CPLANE1: variants seen among roughly 807,000 people sequenced by gnomAD.
CPLANE1 encodes the protein ciliogenesis and planar polarity effector 1.
Under a neutral mutation model 362.5 loss-of-function variants are expected in CPLANE1, and 263 were observed. The observed-to-expected ratio is 0.73, with a 90% CI of 0.66 to 0.80. The LOEUF (loss-of-function observed/expected upper bound fraction) is 0.80, where lower values mean the gene tolerates loss of function less well. Ranked by LOEUF, CPLANE1 falls within the 30% of genes least tolerant of loss-of-function variation. The probability of loss-of-function intolerance (pLI) is 0.00; values close to 1 mark genes in which losing one functional copy is unlikely to be tolerated. For missense variants in CPLANE1, 3,461 were observed against 3,793.4 expected, an observed-to-expected ratio of 0.91 and a Z score of 2.30; for synonymous variants, 1,212 against 1,302.6, an observed-to-expected ratio of 0.93 and a Z score of 1.50.
chr5:37,111,007 C>T (rs1367621680), intron 51 of CPLANE1, among the ~76,000 whole-genome samples: 6 of 151,254 alleles, frequency 4.0e-5, no homozygotes, highest in African/African-American at 1.5e-4. Flanking sequence ...TGGGGTTTCA[C>T]CGTGTTAGCC....
At chr5:37,243,837 ATATATAT>A (rs1397691242) in intron 5 of CPLANE1, among the ~76,000 whole-genome samples, 4 of 144,810 alleles carry the variant, frequency 2.8e-5, no homozygotes, top group East Asian at 1.9e-4. Context: ...ATATACGTGT[ATATATAT>A]TATATATTAT....
chr5:37,148,461 T>C (rs904080548), intron 42 of CPLANE1, among the ~76,000 whole-genome samples, 193 bp from the exon 43 acceptor site: 1 of 152,246 alleles, frequency 6.6e-6, no homozygotes, highest in Non-Finnish European at 1.5e-5. Flanking sequence ...TTAACTGAGT[T>C]ATAAACTTTT....
chr5:37,210,907 T>C lies in CPLANE1; in HGVS notation c.2920+2652A>G, dbSNP rs150839982. 1.8e-4 allele frequency: 137 copies of C among 779,518 alleles called. No homozygotes were observed. In the East Asian group the frequency reaches 2.5e-3, roughly 14 times the overall value. 48.3% of individuals were successfully genotyped at this position (779,518 alleles called of 1,614,324 possible). On this transcript the variant is annotated intron_variant, in intron 16 of 52. Coordinates refer to ENST00000651892, the MANE Select transcript of CPLANE1 (RefSeq NM_001384732.1). ...CTGCACAAACAACTGCAAGATGAAATTGAGCATACTACACAGTTGAAGGCC... is the reference window on the plus strand; with the variant it reads ...CTGCACAAACAACTGCAAGATGAAACTGAGCATACTACACAGTTGAAGGCC...
intron 44 of CPLANE1, chr5:37,141,646 A>G: frequency 1.0e-6 from 1 of 981,132 alleles, no homozygotes; most frequent in African/African-American, 1.7e-5. Context: ...ACTCAGTAAA[A>G]TCATTTTAAT....
chr5:37,154,950 C>T (rs1012890066), intron 41 of CPLANE1, among the ~76,000 whole-genome samples: 1 of 152,212 alleles, frequency 6.6e-6, no homozygotes. Context: ...TTCAGTTTCA[C>T]AAGCCAGAGA....
At chr5:37,094,723 TAAACTC>T in the CPLANE1 span, among the ~76,000 whole-genome samples, 3 of 151,708 alleles carry the variant, frequency 2.0e-5, no homozygotes, top group Non-Finnish European at 2.9e-5. Flanking sequence ...AAAATCCAAA[TAAACTC>T]AAAAGAAATG....
chr5:37,207,947 T>C (rs1206890758), intron 16 of CPLANE1, among the ~76,000 whole-genome samples: 1 of 151,930 alleles, frequency 6.6e-6, no homozygotes, highest in Non-Finnish European at 1.5e-5. Flanking sequence ...TGTTGTTGTT[T>C]TTGTTTTGTT....
At chr5:37,144,398 A>T (rs957584338) in intron 43 of CPLANE1, among the ~76,000 whole-genome samples, 14 of 108,266 alleles carry the variant, frequency 1.3e-4, no homozygotes, top group African/African-American at 4.3e-4. Context: ...GACTTTGTCT[A>T]AAAAAAAAAA....
Position 37,189,372 on chromosome 5 carries a change from TC to T in CPLANE1, c.3812-1531del, listed in dbSNP as rs1192919376. On this transcript the variant is annotated intron_variant, in intron 21 of 52. Transcript: ENST00000651892. ...CATGGCCCCAGGGGGACTATCAGGGTCTCCAGTGAGCATTTTCACACTACAG... is the reference window on the plus strand; with the variant it reads ...CATGGCCCCAGGGGGACTATCAGGGTTCCAGTGAGCATTTTCACACTACAG... 3.3e-5 allele frequency among the ~76,000 whole-genome samples: 5 copies of T among 152,064 alleles called. No homozygotes were observed. The East Asian group carries it at 9.6e-4, about 29-fold the overall frequency.
At chr5:37,114,853 T>G in intron 51 of CPLANE1, 107 bp downstream of exon 51, 1 of 647,218 alleles carries the variant, frequency 1.5e-6, no homozygotes, top group Non-Finnish European at 2.6e-6. Context: ...GAGCCGACAT[T>G]GCACCACTGC....
chr5:37,163,371 G>T (rs895324073), intron 37 of CPLANE1, among the ~76,000 whole-genome samples: 1 of 152,132 alleles, frequency 6.6e-6, no homozygotes, highest in Non-Finnish European at 1.5e-5. Flanking sequence ...GAGAACATAG[G>T]AGGAAAAAAC....
Position 37,153,866 on chromosome 5 carries a change from G to A in CPLANE1, c.8247C>T (p.His2749=), listed in dbSNP as rs1185442770. The A allele has an allele frequency of 3.1e-6, 5 of 1,614,076 alleles. No homozygotes were observed. In the South Asian group the frequency reaches 3.3e-5, roughly 11 times the overall value. ...AACPAPSSAA[H]QLEHLSAKLQ... Reference sequence around the variant, plus strand: ...GCTTAGCACTGAGATGCTCTAGTTGGTGAGCTGCAGAGCTTGGTGCAGGGC... The same window carrying A: ...GCTTAGCACTGAGATGCTCTAGTTGATGAGCTGCAGAGCTTGGTGCAGGGC... The change falls in exon 42 of 53, where the codon CAC becomes CAT. Residue 2749 remains histidine, a synonymous_variant. Coordinates refer to ENST00000651892, the MANE Select transcript of CPLANE1 (RefSeq NM_001384732.1).
At position 37,227,637 on chromosome 5, in the gene CPLANE1, G is replaced by A; in HGVS notation, c.1302C>T (p.His434=). The change falls in exon 10 of 53, where the codon CAC becomes CAT. Residue 434 remains histidine (H), a synonymous_variant. Coordinates refer to ENST00000651892, the MANE Select transcript of CPLANE1 (RefSeq NM_001384732.1). ...TTGAATCAAGTAGAAGTGATCTCAT[G>A]TGTACTGATGGAGATAGGCTATCAA... The part of the protein sequence containing the change: ...RFLDSLSPSV[H]MRSLLLDSTQ... The A allele has an allele frequency of 6.4e-7, 1 of 1,551,172 alleles. No individual in the cohort carries two copies. Among genetic ancestry groups the A allele is most frequent in the Non-Finnish European group, 8.7e-7 (1 of 1,146,560 alleles).
intron 30 of CPLANE1, among the ~76,000 whole-genome samples, chr5:37,176,469 TA>T (rs905150464): frequency 6.6e-6 from 1 of 151,284 alleles, no homozygotes; most frequent in Non-Finnish European, 1.5e-5. Flanking sequence ...ATCCCATCTC[TA>T]AAAAAAATAC....
At chr5:37,084,367 C>T in the CPLANE1 span, among the ~76,000 whole-genome samples, 1 of 152,038 alleles carries the variant, frequency 6.6e-6, no homozygotes, top group African/African-American at 2.4e-5. Flanking sequence ...CAAAATACAA[C>T]TTAAAAAACA....
chr5:37,075,779 C>A, the CPLANE1 span, among the ~76,000 whole-genome samples: 4 of 152,176 alleles, frequency 2.6e-5, no homozygotes, highest in Non-Finnish European at 5.9e-5. Context: ...GAATCTAGAC[C>A]TTGCAATGCA....
intron 5 of CPLANE1, 139 bp downstream of exon 5, chr5:37,244,236 C>A: frequency 3.0e-5 from 16 of 536,508 alleles, no homozygotes; most frequent in Middle Eastern, 4.7e-4. Flanking sequence ...AAAATGTGAC[C>A]CAAGAAATAT....
At chr5:37,196,217 CTT>C (rs1787385837) in intron 20 of CPLANE1, among the ~76,000 whole-genome samples, 1 of 151,108 alleles carries the variant, frequency 6.6e-6, no homozygotes, top group African/African-American at 2.4e-5. Flanking sequence ...TTTGTACTCT[CTT>C]GTCACAATTT....
chr5:37,235,796 T>A (rs575892081), intron 8 of CPLANE1, among the ~76,000 whole-genome samples: 2 of 151,518 alleles, frequency 1.3e-5, no homozygotes, highest in East Asian at 3.9e-4. Context: ...GGTCTCGAAC[T>A]CCTGACCTCG....
Sources: gnomAD v4.1 joint callset for allele counts (sites outside exome capture counted in the v4.1 genomes callset) on GRCh38, gnomAD v4.1.1 for gene constraint, MANE v1.5 for transcripts, NCBI Gene and HGNC (gene_info 2026-07-23, HGNC 2026-07-21) for gene names.